The following STT3B variants were observed in gnomAD, a reference collection of about 807,000 sequenced individuals.
STT3B encodes the protein dolichyl-diphosphooligosaccharide--protein glycosyltransferase subunit STT3B.
STT3B carries 29 observed loss-of-function variants against 96.8 expected under a neutral mutation model. That is an observed-to-expected ratio of 0.30 (90% CI 0.22 to 0.41). The LOEUF (loss-of-function observed/expected upper bound fraction) is 0.41, where lower values mean the gene tolerates loss of function less well. Ranked by LOEUF, STT3B falls within the 10% of genes least tolerant of loss-of-function variation. The probability of loss-of-function intolerance (pLI) is 1.00; values close to 1 mark genes in which losing one functional copy is unlikely to be tolerated. For missense variants in STT3B, 640 were observed against 1,022.3 expected (o/e 0.63, Z 5.10); for synonymous variants, 367 against 360.0 (o/e 1.02, Z -0.22).
chr3:31,622,964 A>G (rs557548640), intron 10 of STT3B, among the ~76,000 whole-genome samples: 98 of 152,342 alleles, frequency 6.4e-4, no homozygotes, highest in Non-Finnish European at 1.1e-3. Flanking sequence ...TAAACTTCCC[A>G]GTATCAGTAA....
intron 14 of STT3B, among the ~76,000 whole-genome samples, chr3:31,630,858 G>A (rs1237721095): frequency 6.6e-6 from 1 of 151,892 alleles, no homozygotes; most frequent in Non-Finnish European, 1.5e-5. Flanking sequence ...GTACAGTGGT[G>A]TGATCTCGGC....
At chr3:31,591,131 C>T (rs1047926426) in intron 3 of STT3B, among the ~76,000 whole-genome samples, 7 of 151,896 alleles carry the variant, frequency 4.6e-5, no homozygotes, top group Non-Finnish European at 8.8e-5. Context: ...TTAGTTCCTG[C>T]TTTATATATT....
intron 1 of STT3B, among the ~76,000 whole-genome samples, chr3:31,541,953 C>T (rs557925501): frequency 6.5e-4 from 99 of 152,094 alleles, no homozygotes; most frequent in African/African-American, 2.2e-3. Flanking sequence ...GGAGGTGCCT[C>T]TAGGAAAGAG....
At chr3:31,601,789 T>TA (rs948733401) in intron 5 of STT3B, among the ~76,000 whole-genome samples, 8 of 152,268 alleles carry the variant, frequency 5.3e-5, no homozygotes, top group African/African-American at 1.9e-4. Flanking sequence ...CTCAACAAAA[T>TA]AAAAAAGCAT....
chr3:31,601,693 T>C (rs962384443), intron 5 of STT3B, among the ~76,000 whole-genome samples: 1 of 152,148 alleles, frequency 6.6e-6, no homozygotes, highest in African/African-American at 2.4e-5. Context: ...TATATAGTAG[T>C]GATGGTCGCA....
chr3:31,607,029 C>T (rs1027656973), intron 5 of STT3B, among the ~76,000 whole-genome samples: 1 of 152,172 alleles, frequency 6.6e-6, no homozygotes, highest in Non-Finnish European at 1.5e-5. Flanking sequence ...GGATTTTGGA[C>T]TTGCATGGGA....
At chr3:31,549,384 G>C (rs1361073003) in intron 1 of STT3B, among the ~76,000 whole-genome samples, 1 of 150,836 alleles carries the variant, frequency 6.6e-6, no homozygotes, top group Admixed American at 6.6e-5. Context: ...AAGTTCTCAG[G>C]CCTGTATACA....
intron 10 of STT3B, among the ~76,000 whole-genome samples, chr3:31,623,185 C>T (rs115725872): frequency 1.3e-5 from 2 of 152,002 alleles, no homozygotes; most frequent in African/African-American, 4.8e-5. Flanking sequence ...TTAAGGTAAT[C>T]GTAGTTTTAA....
chr3:31,549,323 TTTGTC>T (rs1286158541), intron 1 of STT3B, among the ~76,000 whole-genome samples: 2 of 152,152 alleles, frequency 1.3e-5, no homozygotes, highest in African/African-American at 4.8e-5. Flanking sequence ...ATTCTCCTGA[TTTGTC>T]TTGGTGACTA....
At chr3:31,561,836 CTTTGGTAT>C (rs939879686) in intron 1 of STT3B, among the ~76,000 whole-genome samples, 2 of 151,936 alleles carry the variant, frequency 1.3e-5, no homozygotes, top group African/African-American at 4.8e-5. Context: ...GGATATGGCA[CTTTGGTAT>C]TGATTCTGTG....
intron 3 of STT3B, among the ~76,000 whole-genome samples, chr3:31,594,751 C>A (rs1286656378): frequency 6.6e-6 from 1 of 152,122 alleles, no homozygotes; most frequent in African/African-American, 2.4e-5. Flanking sequence ...TGTGCTAGAT[C>A]GGCTAACAGA....
intron 3 of STT3B, among the ~76,000 whole-genome samples, chr3:31,586,722 GT>G (rs1698546449): frequency 6.6e-6 from 1 of 151,900 alleles, no homozygotes; most frequent in African/African-American, 2.4e-5. Flanking sequence ...GGACTCTTCT[GT>G]TTATCTGTGT....
intron 1 of STT3B, among the ~76,000 whole-genome samples, chr3:31,545,329 TAGAAAC>T (rs1193778464): frequency 1.2e-4 from 19 of 152,210 alleles, no homozygotes; most frequent in South Asian, 2.1e-4. Context: ...AAGTGTCAAA[TAGAAAC>T]AGCTGTTATA....
At chr3:31,579,258 T>C (rs1190659769) in intron 2 of STT3B, among the ~76,000 whole-genome samples, 1 of 152,024 alleles carries the variant, frequency 6.6e-6, no homozygotes, top group African/African-American at 2.4e-5. Flanking sequence ...TCTTCCCTCT[T>C]TTCCTAGCTA....
rs1167734153 is a variant in STT3B, at chr3:31,572,101, AAT to A, written c.315-4286_315-4285del. Among the ~76,000 whole-genome samples, 166 of 134,792 alleles carry A rather than the reference AAT, an allele frequency of 1.2e-3. 2 individuals carry two copies. Among genetic ancestry groups the A allele is most frequent in the African/African-American group, 4.7e-3 (156 of 32,940 alleles). The allele number at this position is 134,792 out of a possible 152,430, so 88.4% of individuals were successfully genotyped here. A position where few individuals can be genotyped will look rare whatever the true frequency, so the allele number is the denominator to read the frequency against. On this transcript the variant is annotated intron_variant, in intron 1 of 15. Coordinates refer to ENST00000295770, the MANE Select transcript of STT3B (RefSeq NM_178862.3). Reference sequence around the variant, plus strand: ...TTAATATATAAGTATTAAGATATTAAATATATATATTATATATCTCAAAAAGG... The same window carrying A: ...TTAATATATAAGTATTAAGATATTAAATATATATTATATATCTCAAAAAGG...
intron 1 of STT3B, among the ~76,000 whole-genome samples, chr3:31,566,759 A>T (rs1698017396): frequency 6.6e-6 from 1 of 151,924 alleles, no homozygotes; most frequent in South Asian, 2.1e-4. Flanking sequence ...ATTTATCTGA[A>T]TCTTTTCTCC....
chr3:31,623,365 G>T (rs1699468692), intron 10 of STT3B, among the ~76,000 whole-genome samples: 1 of 152,152 alleles, frequency 6.6e-6, no homozygotes, highest in African/African-American at 2.4e-5. Flanking sequence ...CCAGAATGGG[G>T]TCATTTGGTT....
At chr3:31,576,249 G>T in intron 1 of STT3B, 147 bp from the exon 2 acceptor site, 2 of 417,938 alleles carry the variant, frequency 4.8e-6, no homozygotes, top group East Asian at 4.0e-5. Flanking sequence ...GTATAAGCAT[G>T]TTCTTTTGAT....
intron 3 of STT3B, among the ~76,000 whole-genome samples, chr3:31,596,088 A>G (rs1409358303): frequency 6.6e-6 from 1 of 152,204 alleles, no homozygotes; most frequent in Non-Finnish European, 1.5e-5. Context: ...TTTTCTGTGT[A>G]TTAGTAAATA....
Sources: allele counts gnomAD v4.1 joint callset (sites outside exome capture counted in the v4.1 genomes callset), GRCh38; gene constraint gnomAD v4.1.1; transcripts MANE v1.5; gene names NCBI Gene and HGNC (gene_info 2026-07-23, HGNC 2026-07-21).